PGK1: variants seen among roughly 807,000 people sequenced by gnomAD.
The protein encoded by PGK1 is phosphoglycerate kinase 1, also known as PRP 2.
A neutral mutation model predicts 26.9 loss-of-function variants in PGK1; 3 were observed. The observed-to-expected ratio is 0.11, with a 90% CI of 0.05 to 0.29. PGK1 has a LOEUF of 0.29. PGK1 is among the 10% of genes least tolerant of loss of function. The pLI is 1.00. For missense variants in PGK1, 270 were observed against 314.7 expected (o/e 0.86, Z 1.07); for synonymous variants, 125 against 115.3 (o/e 1.08, Z -0.54).
intron 2 of PGK1, among the ~76,000 whole-genome samples, chrX:78,111,748 G>A (rs1218098363): frequency 8.9e-6 from 1 of 111,818 alleles, no homozygotes; most frequent in Admixed American, 9.5e-5. Flanking sequence ...ATCTGATCCC[G>A]CTTGATCTTC....
chrX:78,127,851 G>A lies in PGK1; in HGVS notation c.*2021G>A, dbSNP rs782552303. On this transcript the variant is annotated 3_prime_UTR_variant, in exon 11 of 11. Coordinates refer to ENST00000373316, the MANE Select transcript of PGK1 (RefSeq NM_000291.4). ...TTCTGCATACCTCTATGGGTACTCAGGAATTCTAGTCCAATTTTTGTGACT... is the reference window on the plus strand; with the variant it reads ...TTCTGCATACCTCTATGGGTACTCAAGAATTCTAGTCCAATTTTTGTGACT... The A allele has an allele frequency of 3.6e-5, 4 of 112,083 alleles. No homozygotes were observed. The highest frequency in any genetic ancestry group is 5.6e-5 in the Non-Finnish European group (3 of 53,214). The allele number at this position is 112,083 out of a possible 1,213,427, so 9.2% of individuals were successfully genotyped here. A position where few individuals can be genotyped will look rare whatever the true frequency, so the allele number is the denominator to read the frequency against.
chrX:78,128,546 A>G lies in PGK1; in HGVS notation c.*2716A>G, dbSNP rs782599106. On this transcript the variant is annotated 3_prime_UTR_variant, in exon 11 of 11. Coordinates refer to ENST00000373316, the MANE Select transcript of PGK1 (RefSeq NM_000291.4). Reference sequence around the variant, plus strand: ...GGCGACAGAGTGAGACTCTGCCTCAAAACAAAAACCCCACAAAACAGTATA... The same window carrying G: ...GGCGACAGAGTGAGACTCTGCCTCAGAACAAAAACCCCACAAAACAGTATA... 8.9e-6 allele frequency: 1 copy of G among 112,630 alleles called. No homozygotes were observed. The highest frequency in any genetic ancestry group is 2.8e-4 in the East Asian group (1 of 3,569). 9.3% of individuals were successfully genotyped at this position (112,630 alleles called of 1,213,427 possible).
At chrX:78,118,265 T>G in intron 6 of PGK1, 95 bp downstream of exon 6, 2 of 917,367 alleles carry the variant, frequency 2.2e-6, no homozygotes, top group Non-Finnish European at 3.2e-6. Context: ...TCAGTCACAC[T>G]GGGTAACTGA....
Position 78,104,766 on chromosome X carries a change from G to A in PGK1, c.65+361G>A, listed in dbSNP as rs187512125. 6.5e-4 allele frequency among the ~76,000 whole-genome samples: 73 copies of A among 111,960 alleles called. No homozygotes were observed. The East Asian group carries it at 0.018, about 28-fold the overall frequency. On this transcript the variant is annotated intron_variant, in intron 1 of 10. Transcript: ENST00000373316. ...TGCAAATCTCTAGGCTTCAAGGAAGGGACCTTGAAAGGTCATTTTACTTTC... is the reference window on the plus strand; with the variant it reads ...TGCAAATCTCTAGGCTTCAAGGAAGAGACCTTGAAAGGTCATTTTACTTTC...
intron 4 of PGK1, among the ~76,000 whole-genome samples, chrX:78,116,011 A>C (rs1416094736): frequency 9.5e-6 from 1 of 105,520 alleles, no homozygotes; most frequent in Non-Finnish European, 1.9e-5. Context: ...ACCATGTCCA[A>C]CTGACCTTTA....
chrX:78,125,134 A>G (rs1557248530), intron 9 of PGK1, 83 bp downstream of exon 9: 14 of 868,850 alleles, frequency 1.6e-5, no homozygotes, highest in East Asian at 6.3e-5. Flanking sequence ...AACTTCTTCT[A>G]TGTCTCTTTA....
chrX:78,114,267 T>C, intron 4 of PGK1, 107 bp downstream of exon 4: 1 of 816,849 alleles, frequency 1.2e-6, no homozygotes, highest in Non-Finnish European at 1.9e-6. Context: ...ACACCTTTTA[T>C]TGAAGCATAC....
In PGK1 at chrX:78,117,320, C is replaced by T. The variant is rs201516932; in HGVS notation, c.426C>T (p.Ala142=). ...GKDASGNKVK[A]EPAKIEAFRA... ...TTTGTTTTTCTCTATAGGTTAAAGC[C>T]GAGCCAGCCAAAATAGAAGCTTTCC... is the stretch of plus-strand genomic sequence containing the variant. The change falls in exon 5 of 11, where the codon GCC becomes GCT. Residue 142 remains alanine, a synonymous_variant. Transcript: ENST00000373316. The T allele has an allele frequency of 4.7e-5, 56 of 1,197,242 alleles. No individual in the cohort carries two copies. The highest frequency in any genetic ancestry group is 1.2e-4 in the East Asian group (4 of 33,731).
intron 6 of PGK1, among the ~76,000 whole-genome samples, chrX:78,118,532 T>C (rs1223590128): frequency 9.0e-6 from 1 of 110,819 alleles, no homozygotes; most frequent in Non-Finnish European, 1.9e-5. Context: ...TGCACTGTGA[T>C]CACGCCACTG....
At chrX:78,110,401 C>T (rs1179979327) in intron 2 of PGK1, among the ~76,000 whole-genome samples, 1 of 109,842 alleles carries the variant, frequency 9.1e-6, no homozygotes, top group African/African-American at 3.3e-5. Flanking sequence ...CTCAAGTGAT[C>T]CTCCTGCCTT....
chrX:78,114,178 G>C lies in PGK1; in HGVS notation c.417+18G>C, dbSNP rs1306929652. ...GGAACAAGGTAGGACCTGTGATTTT[G>C]ACATTATTGGGGGTGAGGGCCTGAG... On this transcript the variant is annotated intron_variant, in intron 4 of 10. Transcript: ENST00000373316. 8.4e-7 allele frequency: 1 copy of C among 1,196,847 alleles called. No individual in the cohort carries two copies. The highest frequency in any genetic ancestry group is 1.1e-6 in the Non-Finnish European group (1 of 883,256).
In PGK1 at chrX:78,123,393, T is replaced by A. The variant is rs1557248266; in HGVS notation, c.936+19T>A. ...CTGGATGGTGAGTCACTTGAGTGGG[T>A]TGGTAGTGTGAGTGAACAGAAACTC... On this transcript the variant is annotated intron_variant, in intron 8 of 10. Transcript: ENST00000373316. 1.7e-6 allele frequency: 2 copies of A among 1,165,938 alleles called. No individual in the cohort carries two copies. Among genetic ancestry groups the A allele is most frequent in the African/African-American group, 3.6e-5 (2 of 56,325 alleles).
chrX:78,105,662 C>A (rs1557246126), intron 1 of PGK1, among the ~76,000 whole-genome samples: 1 of 111,728 alleles, frequency 9.0e-6, no homozygotes, highest in Non-Finnish European at 1.9e-5. Context: ...TGTAGCTCTC[C>A]TCTTCTCTCT....
At chrX:78,120,034 A>AGT (rs782041235) in intron 6 of PGK1, among the ~76,000 whole-genome samples, 117 of 111,579 alleles carry the variant, frequency 1.0e-3, no homozygotes, top group African/African-American at 3.7e-3. Context: ...AGTGCCACCT[A>AGT]GTGCTACCTT....
chrX:78,109,228 T>C (rs1278801179), intron 1 of PGK1, among the ~76,000 whole-genome samples: 2 of 111,792 alleles, frequency 1.8e-5, no homozygotes, highest in African/African-American at 6.5e-5. Context: ...AAAGAGGCTG[T>C]CTTATGTTGT....
intron 3 of PGK1, 29 bp downstream of exon 3, chrX:78,113,928 C>T: frequency 8.3e-7 from 1 of 1,209,803 alleles, no homozygotes; most frequent in Non-Finnish European, 1.1e-6. Context: ...TGCTGGTAGA[C>T]TTTGTGGCGG....
chrX:78,123,665 G>A (rs1259429082), intron 8 of PGK1, among the ~76,000 whole-genome samples: 1 of 106,457 alleles, frequency 9.4e-6, no homozygotes, highest in Non-Finnish European at 1.9e-5. Context: ...CTGGAGTGCA[G>A]TGGCATGATC....
At chrX:78,124,350 G>A (rs2078371825) in intron 8 of PGK1, among the ~76,000 whole-genome samples, 1 of 111,562 alleles carries the variant, frequency 9.0e-6, no homozygotes, top group Non-Finnish European at 1.9e-5. Context: ...ACTGAGGGTG[G>A]GGCCAAACAG....
At chrX:78,125,573 C>G in intron 10 of PGK1, 148 bp downstream of exon 10, 1 of 541,192 alleles carries the variant, frequency 1.8e-6, no homozygotes, top group Non-Finnish European at 3.2e-6. Context: ...TCAGATAAAG[C>G]TCCTGGCATC....
Sources: allele counts gnomAD v4.1 joint callset (sites outside exome capture counted in the v4.1 genomes callset), GRCh38; gene constraint gnomAD v4.1.1; transcripts MANE v1.5; gene names NCBI Gene and HGNC (gene_info 2026-07-23, HGNC 2026-07-21).